Variants in ASIC1 observed in about 807,000 individuals in gnomAD.
ASIC1 encodes the protein acid sensing ion channel subunit 1.
Under a neutral mutation model 63.4 loss-of-function variants are expected in ASIC1, and 21 were observed. The ratio of observed to expected loss-of-function variants is 0.33; its 90% confidence interval spans 0.23 to 0.48. The LOEUF is 0.48. ASIC1 is among the 20% of genes least tolerant of loss of function. The pLI, the probability that ASIC1 is intolerant of heterozygous loss-of-function variation, is 0.99. For missense variants in ASIC1, 478 were observed against 695.5 expected (o/e 0.69, Z 3.52); for synonymous variants, 258 against 278.2 (o/e 0.93, Z 0.72).
intron 3 of ASIC1, among the ~76,000 whole-genome samples, chr12:50,072,032 C>A (rs1039172315): frequency 6.6e-6 from 1 of 152,176 alleles, no homozygotes; most frequent in African/African-American, 2.4e-5. Flanking sequence ...GCTTCTGAGG[C>A]CTCTTTGTCC....
rs1950479623 is a variant in ASIC1 at position 50,059,375 on chromosome 12, T to C, written c.362+247T>C. Among the ~76,000 whole-genome samples the C allele has an allele frequency of 6.6e-6, 1 of 152,164 alleles. No homozygotes were observed. The highest frequency in any genetic ancestry group is 1.5e-5 in the Non-Finnish European group (1 of 68,020). The stretch of plus-strand genomic sequence containing the variant: ...CCCACCCAGCCTGAGGTATGAGACA[T>C]TGTCACCCTCTCTGGAGTGAGCTTT... On this transcript the variant is annotated intron_variant, in intron 2 of 11. Transcript: ENST00000447966. The surrounding 1 kb of genome is among the most constrained non-coding windows in gnomAD (Gnocchi z 4.6).
chr12:50,076,777 A>G, intron 3 of ASIC1: 1 of 353,452 alleles, frequency 2.8e-6, no homozygotes, highest in Non-Finnish European at 5.6e-6. Flanking sequence ...AATCGTTATC[A>G]CTTCTAGGCT....
At chr12:50,070,506 G>A (rs1297909432) in intron 3 of ASIC1, among the ~76,000 whole-genome samples, 2 of 152,024 alleles carry the variant, frequency 1.3e-5, no homozygotes, top group Non-Finnish European at 2.9e-5. Context: ...TTGCTGTGGG[G>A]GAAGAGGTAT....
At position 50,059,327 on chromosome 12, in the gene ASIC1, GCA is replaced by G. The variant is rs1950479034; in HGVS notation, c.362+200_362+201del. 6.6e-6 allele frequency among the ~76,000 whole-genome samples: 1 copy of G among 152,010 alleles called. No individual in the cohort carries two copies. The highest frequency in any genetic ancestry group is 2.4e-5 in the African/African-American group (1 of 41,380). On this transcript the variant is annotated intron_variant, in intron 2 of 11. Transcript: ENST00000447966. The surrounding 1 kb of genome is among the most constrained non-coding windows in gnomAD (Gnocchi z 4.6). ...TAAGGGCACCCAGCCTCCGATCCCA[GCA>G]TAGTCCAGAACAGCTCGACCCCCAC...
At chr12:50,066,607 G>T (rs1950547846) in intron 3 of ASIC1, among the ~76,000 whole-genome samples, 1 of 152,122 alleles carries the variant, frequency 6.6e-6, no homozygotes, top group Non-Finnish European at 1.5e-5. Flanking sequence ...TCACATACCA[G>T]GGCAGCTTAG....
intron 3 of ASIC1, among the ~76,000 whole-genome samples, chr12:50,065,170 C>A (rs1334218173): frequency 6.6e-6 from 1 of 152,188 alleles, no homozygotes; most frequent in Non-Finnish European, 1.5e-5. Context: ...TTGGCCAACC[C>A]CTGCCCACCC....
At chr12:50,072,035 CTT>C (rs1950604782) in intron 3 of ASIC1, among the ~76,000 whole-genome samples, 1 of 152,192 alleles carries the variant, frequency 6.6e-6, no homozygotes, top group African/African-American at 2.4e-5. Context: ...TCTGAGGCCT[CTT>C]TGTCCCTGGC....
intron 3 of ASIC1, 95 bp downstream of exon 3, chr12:50,060,049 C>G: frequency 1.4e-6 from 2 of 1,425,672 alleles, no homozygotes; most frequent in Non-Finnish European, 1.9e-6. Flanking sequence ...GCTTGCTACT[C>G]TGGGAGAGGA....
In ASIC1 at chr12:50,065,975, G is replaced by A. The variant is rs148176840; in HGVS notation, c.558+6021G>A. 9.9e-4 allele frequency among the ~76,000 whole-genome samples: 151 copies of A among 152,340 alleles called. 1 individual carries two copies. The Middle Eastern group carries it at 0.01, about 10-fold the overall frequency. ...GCCCCGAGCATGCAAGCACACATGT[G>A]CACCTCTGTGTGTGTCTGCAGGGGA... On this transcript the variant is annotated intron_variant, in intron 3 of 11. Transcript: ENST00000447966.
chr12:50,069,256 T>TTTTA (rs58172412), intron 3 of ASIC1, among the ~76,000 whole-genome samples: 48,370 of 146,064 alleles, frequency 0.33, 8,550 homozygotes, highest in African/African-American at 0.42. Context: ...TTATTTTTTA[T>TTTTA]TTTATTTATT....
chr12:50,080,303 A>G (rs1455079462), intron 8 of ASIC1, 195 bp from the exon 9 acceptor site: 1 of 755,182 alleles, frequency 1.3e-6, no homozygotes, highest in African/African-American at 1.8e-5. Flanking sequence ...TACTTGATGC[A>G]TACTGCATAT....
In ASIC1 at chr12:50,078,795, C is replaced by A; in HGVS notation, c.995-129C>A. 1 of 1,330,298 alleles carries A rather than the reference C, an allele frequency of 7.5e-7. No homozygotes were observed. The highest frequency in any genetic ancestry group is 1.2e-5 in the South Asian group (1 of 84,736). The allele number at this position is 1,330,298 out of a possible 1,614,324, so 82.4% of individuals were successfully genotyped here. A position where few individuals can be genotyped will look rare whatever the true frequency, so the allele number is the denominator to read the frequency against. On this transcript the variant is annotated intron_variant, in intron 6 of 11. Transcript: ENST00000447966. This position sits in a 1 kb window ranked among gnomAD's most constrained non-coding sequence, Gnocchi z 6.0. ...GACCTGGAGTGGGTCACTTCTGGGG[C>A]AGCATGGGGGCCTGCCAGTCCTCCC...
intron 3 of ASIC1, among the ~76,000 whole-genome samples, chr12:50,075,223 G>A (rs902703809): frequency 8.5e-5 from 13 of 152,086 alleles, no homozygotes; most frequent in East Asian, 7.7e-4. Flanking sequence ...CATCATACCC[G>A]TGCATCATGG....
chr12:50,073,523 C>T, intron 3 of ASIC1: 2 of 1,447,766 alleles, frequency 1.4e-6, no homozygotes, highest in Non-Finnish European at 1.8e-6. Flanking sequence ...ACATCGCCTT[C>T]CCCTCTGGCA....
At chr12:50,073,525 C>G in intron 3 of ASIC1, 1 of 1,452,590 alleles carries the variant, frequency 6.9e-7, no homozygotes, top group Non-Finnish European at 9.0e-7. Context: ...ATCGCCTTCC[C>G]CTCTGGCACC....
At chr12:50,077,510 C>T (rs1950668913) in intron 4 of ASIC1, 147 bp downstream of exon 4, 1 of 1,205,004 alleles carries the variant, frequency 8.3e-7, no homozygotes, top group Non-Finnish European at 1.1e-6. Flanking sequence ...ACTGACTCTA[C>T]CTGACTTCCA....
chr12:50,077,215 C>T lies in ASIC1; in HGVS notation c.561C>T (p.Val187=). The change falls in exon 4 of 12, where the codon GTC becomes GTT. Residue 187 remains valine (V), a splice_region_variant and synonymous_variant. Coordinates refer to ENST00000447966, the MANE Select transcript of ASIC1 (RefSeq NM_001095.4). ...EVCSAEDFKV[V]FTRYGKCYTF... ...GCTCTCCACTCTGCCCTCGCCAGGT[C>T]TTCACACGCTATGGAAAGTGCTACA... The T allele has an allele frequency of 1.2e-6, 2 of 1,608,514 alleles. No individual in the cohort carries two copies. Among genetic ancestry groups the T allele is most frequent in the South Asian group, 1.1e-5 (1 of 90,090 alleles).
rs1480026397 is a variant in ASIC1, at chr12:50,059,687, C to T, written c.363-72C>T. On this transcript the variant is annotated intron_variant, in intron 2 of 11. Transcript: ENST00000447966. This position sits in a 1 kb window ranked among gnomAD's most constrained non-coding sequence, Gnocchi z 4.6. Reference sequence around the variant, plus strand: ...CTGATCCCCAGGGCTGGAGGCTGCCCCCATCACCCAAGTTGGGTGCAGGAC... The same window carrying T: ...CTGATCCCCAGGGCTGGAGGCTGCCTCCATCACCCAAGTTGGGTGCAGGAC... 1.3e-6 allele frequency: 2 copies of T among 1,504,190 alleles called. No homozygotes were observed. The highest frequency in any genetic ancestry group is 1.4e-5 in the African/African-American group (1 of 72,454). The allele number at this position is 1,504,190 out of a possible 1,614,324, so 93.2% of individuals were successfully genotyped here.
rs1203192759 is a variant in ASIC1 at position 50,083,381 on chromosome 12, G to GT, written c.*1733dup. 6.6e-6 allele frequency: 1 copy of GT among 152,416 alleles called. No individual in the cohort carries two copies. Among genetic ancestry groups the GT allele is most frequent in the Non-Finnish European group, 1.5e-5 (1 of 68,102 alleles). The allele number at this position is 152,416 out of a possible 1,614,324, so 9.4% of individuals were successfully genotyped here. A position where few individuals can be genotyped will look rare whatever the true frequency, so the allele number is the denominator to read the frequency against. On this transcript the variant is annotated 3_prime_UTR_variant, in exon 12 of 12. Transcript: ENST00000447966. ...CTTCAGGCCTTCCTTCCCTAGCTGT[G>GT]TCTTGGTCTTCAATCCCAGAACAGG...
Sources: gnomAD v4.1 joint callset for allele counts (sites outside exome capture counted in the v4.1 genomes callset) on GRCh38, gnomAD v4.1.1 for gene constraint, Gnocchi (gnomAD v3.1) non-coding constraint, MANE v1.5 for transcripts, NCBI Gene and HGNC (gene_info 2026-07-23, HGNC 2026-07-21) for gene names.